Variants in NPAS3 observed in about 807,000 individuals in gnomAD.
NPAS3 encodes the protein neuronal PAS domain-containing protein 3.
In NPAS3, 14 loss-of-function variants were observed where a neutral mutation model predicts 73.1. That is an observed-to-expected ratio of 0.19 (90% CI 0.13 to 0.30). NPAS3 has a LOEUF of 0.30. Among genes scored for constraint, NPAS3 ranks in the 10% least tolerant of loss-of-function variants. The pLI is 1.00. For synonymous variants in NPAS3, 620 were observed against 541.5 expected, an observed-to-expected ratio of 1.14 and a Z score of -2.01; for missense variants, 1,096 against 1,250.0, an observed-to-expected ratio of 0.88 and a Z score of 1.86.
At chr14:33,517,802 G>A (rs575202781) in intron 4 of NPAS3, among the ~76,000 whole-genome samples, 116 of 152,162 alleles carry the variant, frequency 7.6e-4, no homozygotes, top group African/African-American at 2.6e-3. Flanking sequence ...GTGAGCACCT[G>A]TTACTCAGAG....
intron 4 of NPAS3, among the ~76,000 whole-genome samples, chr14:33,401,831 A>G (rs946660753): frequency 4.6e-5 from 7 of 152,030 alleles, no homozygotes; most frequent in Non-Finnish European, 8.8e-5. Flanking sequence ...AAAGGCCTCC[A>G]TTGCTGGAGG....
chr14:33,436,274 C>A (rs772846352), intron 4 of NPAS3, among the ~76,000 whole-genome samples: 1 of 152,130 alleles, frequency 6.6e-6, no homozygotes, highest in Non-Finnish European at 1.5e-5. Flanking sequence ...CTAAGTAAGA[C>A]AAATTAAACA....
intron 2 of NPAS3, among the ~76,000 whole-genome samples, chr14:33,196,845 T>C (rs917692891): frequency 6.6e-6 from 1 of 152,178 alleles, no homozygotes; most frequent in African/African-American, 2.4e-5. Context: ...CTGCTTGTCA[T>C]CTCTCTCACA....
At chr14:33,203,599 T>C (rs192985904) in intron 2 of NPAS3, among the ~76,000 whole-genome samples, 15 of 152,288 alleles carry the variant, frequency 9.8e-5, no homozygotes, top group Admixed American at 3.3e-4. Flanking sequence ...GGTGATAGTT[T>C]GCTGAGAATG....
rs1231153150 is a variant in NPAS3, at chr14:33,560,099, ATATT to A, written c.469-17_469-14del. On this transcript the variant is annotated intron_variant, in intron 4 of 11. Transcript: ENST00000356141. ...CCTTTGTATTTATTAATCTATTTAT[ATATT>A]TATTCTTTTTCCTGCAGTCCCTGGA... The A allele has an allele frequency of 9.6e-6, 8 of 832,728 alleles. No homozygotes were observed. The African/African-American group carries it at 1.2e-4, about 12-fold the overall frequency. The allele number at this position is 832,728 out of a possible 1,614,324, so 51.6% of individuals were successfully genotyped here. A position where few individuals can be genotyped will look rare whatever the true frequency, so the allele number is the denominator to read the frequency against.
chr14:33,392,589 C>G (rs2047054376), intron 4 of NPAS3, among the ~76,000 whole-genome samples: 1 of 152,080 alleles, frequency 6.6e-6, no homozygotes, highest in Non-Finnish European at 1.5e-5. Flanking sequence ...TAATATTATG[C>G]TTTTTTGAAA....
chr14:32,996,144 G>C (rs1263247995), intron 1 of NPAS3, among the ~76,000 whole-genome samples: 1 of 152,214 alleles, frequency 6.6e-6, no homozygotes, highest in Non-Finnish European at 1.5e-5. Flanking sequence ...GAGACTGGTG[G>C]CATTTTGCCC....
intron 2 of NPAS3, among the ~76,000 whole-genome samples, chr14:33,128,745 CA>C (rs2043526573): frequency 6.6e-6 from 1 of 152,050 alleles, no homozygotes; most frequent in African/African-American, 2.4e-5. Flanking sequence ...GAATTGAATA[CA>C]TTGTGTTGCT....
chr14:33,708,719 A>G (rs2060731963), intron 6 of NPAS3, among the ~76,000 whole-genome samples: 1 of 152,110 alleles, frequency 6.6e-6, no homozygotes, highest in Admixed American at 6.6e-5. Context: ...AGGTGGGGGG[A>G]GCAGGACGGG....
chr14:33,050,572 T>C (rs1307549579), intron 1 of NPAS3, among the ~76,000 whole-genome samples: 1 of 152,214 alleles, frequency 6.6e-6, no homozygotes, highest in Non-Finnish European at 1.5e-5. Flanking sequence ...GAAAAATTCA[T>C]TTATGAAGCA....
At chr14:33,010,938 C>CAAAA (rs77196350) in intron 1 of NPAS3, among the ~76,000 whole-genome samples, 2 of 120,320 alleles carry the variant, frequency 1.7e-5, no homozygotes, top group Non-Finnish European at 3.3e-5. Context: ...GAACCTGTCT[C>CAAAA]AAAAAAAAAA....
At chr14:33,178,076 T>G (rs1325722050) in intron 2 of NPAS3, among the ~76,000 whole-genome samples, 2 of 130,714 alleles carry the variant, frequency 1.5e-5, no homozygotes, top group Admixed American at 8.2e-5. Context: ...GTGAATTTTT[T>G]TTGTTTTTTT....
At chr14:33,781,573 C>G (rs1448187569) in intron 9 of NPAS3, among the ~76,000 whole-genome samples, 1 of 152,212 alleles carries the variant, frequency 6.6e-6, no homozygotes, top group East Asian at 1.9e-4. Context: ...GACATAGAAT[C>G]AGGTCAAGAA....
intron 3 of NPAS3, among the ~76,000 whole-genome samples, chr14:33,227,410 G>A (rs2047675732): frequency 6.6e-6 from 1 of 152,110 alleles, no homozygotes; most frequent in Non-Finnish European, 1.5e-5. Flanking sequence ...ACTCTTGCTA[G>A]GGTGTCTTAG....
At chr14:33,065,174 T>C (rs1288889103) in intron 2 of NPAS3, among the ~76,000 whole-genome samples, 2 of 152,220 alleles carry the variant, frequency 1.3e-5, no homozygotes, top group Admixed American at 6.5e-5. Flanking sequence ...TTAATATTTA[T>C]TTTTATCTAG....
chr14:33,441,574 A>T (rs534660924), intron 4 of NPAS3, among the ~76,000 whole-genome samples: 2 of 152,184 alleles, frequency 1.3e-5, no homozygotes, highest in Non-Finnish European at 2.9e-5. Context: ...TACTATTCGC[A>T]TTTTAAAAAC....
At chr14:33,471,838 G>A (rs2050796841) in intron 4 of NPAS3, among the ~76,000 whole-genome samples, 2 of 152,320 alleles carry the variant, frequency 1.3e-5, no homozygotes, top group African/African-American at 2.4e-5. Context: ...AGCGGCGAGC[G>A]AGAGAAGCTT....
chr14:33,198,020 C>T (rs1183396561), intron 2 of NPAS3, among the ~76,000 whole-genome samples: 2 of 151,220 alleles, frequency 1.3e-5, no homozygotes, highest in Admixed American at 6.6e-5. Context: ...CAGACCTTCA[C>T]GGTGAGTATT....
intron 2 of NPAS3, among the ~76,000 whole-genome samples, chr14:33,122,724 T>C (rs1162780747): frequency 2.0e-5 from 3 of 152,068 alleles, no homozygotes; most frequent in Non-Finnish European, 4.4e-5. Flanking sequence ...AACACAAAGC[T>C]TGGTAGGTCT....
Sources: allele counts gnomAD v4.1 joint callset (sites outside exome capture counted in the v4.1 genomes callset), GRCh38; gene constraint gnomAD v4.1.1; transcripts MANE v1.5; gene names NCBI Gene and HGNC (gene_info 2026-07-23, HGNC 2026-07-21).